ZSCAN29: variants seen among roughly 807,000 people sequenced by gnomAD.
ZSCAN29 encodes zinc finger and SCAN domain containing 29, also known as zinc finger and SCAN domain-containing protein 29.
A neutral mutation model predicts 71.9 loss-of-function variants in ZSCAN29; 55 were observed. The ratio of observed to expected loss-of-function variants is 0.76; its 90% CI spans 0.62 to 0.96. ZSCAN29 has a LOEUF of 0.96. Ranked by LOEUF, ZSCAN29 falls within the 40% of genes least tolerant of loss-of-function variation. The pLI is 0.00. For synonymous variants in ZSCAN29, 351 were observed against 371.6 expected, an observed-to-expected ratio of 0.94 and a Z score of 0.64; for missense variants, 1,042 against 1,042.2, an observed-to-expected ratio of 1.00 and a Z score of 0.00.
Position 43,361,730 on chromosome 15 carries a change from G to C in ZSCAN29, c.1902C>G (p.Ser634Arg). ...TCTGTTGACTTAGGACTTCACTTAA[G>C]CTCTTCTCCGGGAGTGTCAGTTTTC... ...KRGKLTLPEK[S>R]LSEVLSQQRP... Residue 634 changes from serine (S) to arginine (R), a missense_variant, in exon 6 of 6, where the codon AGC (serine) becomes AGG (arginine). Physicochemically the swap from Ser to Arg is moderately radical, Grantham distance 110. Coordinates refer to ENST00000684362, the MANE Select transcript of ZSCAN29 (RefSeq NM_001372080.1). 6.2e-7 allele frequency: 1 copy of C among 1,614,190 alleles called. No individual in the cohort carries two copies.
At chr15:43,365,440 A>G (rs904031660) in intron 4 of ZSCAN29, among the ~76,000 whole-genome samples, 4 of 152,226 alleles carry the variant, frequency 2.6e-5, no homozygotes, top group African/African-American at 4.8e-5. Flanking sequence ...TAAAATGCCA[A>G]TGTATACTAT....
rs139569236 is a variant in ZSCAN29 at position 43,366,568 on chromosome 15, G to C, written c.764C>G (p.Thr255Arg). The C allele has an allele frequency of 6.8e-6, 11 of 1,614,198 alleles. No homozygotes were observed. Among genetic ancestry groups the C allele is most frequent in the Non-Finnish European group, 9.3e-6 (11 of 1,180,034 alleles). Reference protein sequence around the residue: ...GVHWGYEETRTLLAILSQTEF... With the variant: ...GVHWGYEETRRLLAILSQTEF... ...AGTCTGGCTGAGAATTGCGAGGAGC[G>C]TTCTGGTCTCTTCATAGCCCCAGTG... Residue 255 changes from threonine (T) to arginine (R), a missense_variant, in exon 4 of 6, where the codon ACG becomes AGG. Thr to Arg is a moderately conservative substitution (Grantham distance 71). Transcript: ENST00000684362.
At chr15:43,363,310 T>TA (rs1459355865) in intron 5 of ZSCAN29, among the ~76,000 whole-genome samples, 1 of 152,168 alleles carries the variant, frequency 6.6e-6, no homozygotes, top group Non-Finnish European at 1.5e-5. Flanking sequence ...ACTTAACTAA[T>TA]AAACAACAGA....
At position 43,364,380 on chromosome 15, in the gene ZSCAN29, C is replaced by T. The variant is rs772079307; in HGVS notation, c.1225G>A (p.Val409Ile). 2.5e-6 allele frequency: 4 copies of T among 1,613,032 alleles called. No individual in the cohort carries two copies. The highest frequency in any genetic ancestry group is 2.2e-5 in the South Asian group (2 of 91,072). ...APVVFRSPGG[V>I]HWGYEETKTY... Reference sequence around the variant, plus strand: ...TTGGTCTCTTCATAGCCCCAGTGTACACCTGCCACCAGAAGAGAAATTTCA... The same window carrying T: ...TTGGTCTCTTCATAGCCCCAGTGTATACCTGCCACCAGAAGAGAAATTTCA... The change falls in exon 5 of 6, where the codon GTA (valine) becomes ATA (isoleucine). Residue 409 changes from valine (V) to isoleucine (I), a missense_variant and splice_region_variant. Transcript: ENST00000684362.
rs2043951066 is a variant in ZSCAN29, at chr15:43,358,224, G to A, written c.*2849C>T. 1.3e-5 allele frequency: 2 copies of A among 152,586 alleles called. No homozygotes were observed. Among genetic ancestry groups the A allele is most frequent in the Non-Finnish European group, 1.5e-5 (1 of 68,032 alleles). The allele number at this position is 152,586 out of a possible 1,614,324, so 9.5% of individuals were successfully genotyped here. A position where few individuals can be genotyped will look rare whatever the true frequency, so the allele number is the denominator to read the frequency against. On this transcript the variant is annotated 3_prime_UTR_variant, in exon 6 of 6. Coordinates refer to ENST00000684362, the MANE Select transcript of ZSCAN29 (RefSeq NM_001372080.1). ...ATGGTATCCCTGAGAGACAGATTAG[G>A]TGTAAACATTATTTTGCTTTACAGA...
Position 43,366,421 on chromosome 15 carries a change from C to G in ZSCAN29, c.911G>C (p.Gly304Ala), listed in dbSNP as rs1319436808. The G allele has an allele frequency of 6.2e-7, 1 of 1,614,198 alleles. No homozygotes were observed. Among genetic ancestry groups the G allele is most frequent in the African/African-American group, 1.3e-5 (1 of 75,044 alleles). ...TLEQCRTKFK[G>A]LQKSYRKVKS... ...GACTTTCCGATAGCTCTTCTGGAGA[C>G]CTTTGAACTTGGTCCGACACTGTTC... is the stretch of plus-strand genomic sequence containing the variant. The change falls in exon 4 of 6, where the codon GGT (glycine) becomes GCT (alanine). Residue 304 changes from glycine to alanine, a missense_variant. Gly to Ala is a moderately conservative substitution (Grantham distance 60, BLOSUM62 0). Transcript: ENST00000684362.
rs1019932951 is a variant in ZSCAN29, at chr15:43,360,475, A to G, written c.*598T>C. On this transcript the variant is annotated 3_prime_UTR_variant, in exon 6 of 6. Coordinates refer to ENST00000684362, the MANE Select transcript of ZSCAN29 (RefSeq NM_001372080.1). ...ACATGGAGAAACCCCATCTCTACTA[A>G]AAATATAAAATTAGCTGGGCATGGT... The G allele has an allele frequency of 6.6e-6, 1 of 152,256 alleles. No individual in the cohort carries two copies. The highest frequency in any genetic ancestry group is 2.4e-5 in the African/African-American group (1 of 41,360). 9.4% of individuals were successfully genotyped at this position (152,256 alleles called of 1,614,324 possible). A position where few individuals can be genotyped will look rare whatever the true frequency, so the allele number is the denominator to read the frequency against.
In ZSCAN29 at chr15:43,366,298, G is replaced by T; in HGVS notation, c.1034C>A (p.Ala345Glu). 6.2e-7 allele frequency: 1 copy of T among 1,613,066 alleles called. No individual in the cohort carries two copies. Among genetic ancestry groups the T allele is most frequent in the Non-Finnish European group, 8.5e-7 (1 of 1,180,040 alleles). ...TACCAGGCCAGAGTGAGAGGCTGCT[G>T]CTTCCAGGCCATTACTGGGCAGGGC... ...VIALPSNGLE[A>E]AASHSGLVGS... Residue 345 changes from alanine (A) to glutamate (E), a missense_variant, in exon 4 of 6, where the codon GCA becomes GAA. Ala to Glu is a moderately radical substitution (Grantham distance 107). Transcript: ENST00000684362.
rs745319191 is a variant in ZSCAN29, at chr15:43,364,040, G to A, written c.1565C>T (p.Ala522Val). ...GTCTGCTTCCTCAGCTTGCTTCTGA[G>A]CTTCAGCCTCACTGGTCCCCTGGAC... ...CPVQGTSEAEAQKQAEEADEA... is the reference protein window; with the variant it reads ...CPVQGTSEAEVQKQAEEADEA... Residue 522 changes from alanine (A) to valine (V), a missense_variant, in exon 5 of 6, where the codon GCT (alanine) becomes GTT (valine). By Grantham distance (64) the Ala-to-Val change is moderately conservative. Transcript: ENST00000684362. 1 of 1,614,106 alleles carries A rather than the reference G, an allele frequency of 6.2e-7. No homozygotes were observed. The highest frequency in any genetic ancestry group is 1.1e-5 in the South Asian group (1 of 91,074).
chr15:43,369,292 T>G (rs1399158853), intron 2 of ZSCAN29, 165 bp from the exon 3 acceptor site: 4 of 674,718 alleles, frequency 5.9e-6, no homozygotes, highest in Non-Finnish European at 9.2e-6. Flanking sequence ...TGCCATTAGC[T>G]TAAAGCAGTT....
Position 43,370,965 on chromosome 15 carries a change from T to TCCGGCCCCGGCCCCGGCCCCGGCC in ZSCAN29, c.-521_-520insGGCCGGGGCCGGGGCCGGGGCCGG, listed in dbSNP as rs1300558345. Reference sequence around the variant, plus strand: ...CCGGGCCAGCCTCACCCACTCGGGGTCCGACCCTGACCCCGGCCCCGGCCC... The same window carrying TCCGGCCCCGGCCCCGGCCCCGGCC: ...CCGGGCCAGCCTCACCCACTCGGGGTCCGGCCCCGGCCCCGGCCCCGGCCCCGACCCTGACCCCGGCCCCGGCCC... On this transcript the variant is annotated 5_prime_UTR_variant, in exon 1 of 6. Transcript: ENST00000684362. The TCCGGCCCCGGCCCCGGCCCCGGCC allele has an allele frequency of 6.4e-6, 1 of 155,772 alleles. No individual in the cohort carries two copies. Among genetic ancestry groups the TCCGGCCCCGGCCCCGGCCCCGGCC allele is most frequent in the East Asian group, 1.6e-4 (1 of 6,426 alleles). 9.6% of individuals were successfully genotyped at this position (155,772 alleles called of 1,614,324 possible).
At chr15:43,367,507 C>T (rs1469340450) in intron 3 of ZSCAN29, among the ~76,000 whole-genome samples, 4 of 152,184 alleles carry the variant, frequency 2.6e-5, no homozygotes, top group Non-Finnish European at 5.9e-5. Flanking sequence ...CTTCAAGAGG[C>T]TGTATTTGCC....
chr15:43,370,907 G>T lies in ZSCAN29; in HGVS notation c.-462C>A. 5.2e-6 allele frequency: 1 copy of T among 191,588 alleles called. No homozygotes were observed. The highest frequency in any genetic ancestry group is 8.7e-5 in the South Asian group (1 of 11,454). 11.9% of individuals were successfully genotyped at this position (191,588 alleles called of 1,614,324 possible). A position where few individuals can be genotyped will look rare whatever the true frequency, so the allele number is the denominator to read the frequency against. On this transcript the variant is annotated 5_prime_UTR_variant, in exon 1 of 6. Transcript: ENST00000684362. ...CCACCCCTGGGAGCGTCTCCCTCTC[G>T]AGCTGCCCCTCAACCCCCTCGCATC... is the stretch of plus-strand genomic sequence containing the variant.
At position 43,361,034 on chromosome 15, in the gene ZSCAN29, C is replaced by A. The variant is rs569656886; in HGVS notation, c.*39G>T. ...CTATTGGAAGACTTTCTAAACAATA[C>A]ATTTATTGAGCCTCTTTCCGTTATA... is the stretch of plus-strand genomic sequence containing the variant. On this transcript the variant is annotated 3_prime_UTR_variant, in exon 6 of 6. Transcript: ENST00000684362. The A allele has an allele frequency of 5.0e-5, 76 of 1,535,206 alleles. No individual in the cohort carries two copies. The East Asian group carries it at 1.5e-3, about 31-fold the overall frequency.
chr15:43,368,947 TCTC>T lies in ZSCAN29; in HGVS notation c.496_498del (p.Glu166del), dbSNP rs754923422. On this transcript the variant is annotated inframe_deletion, in exon 3 of 6. Coordinates refer to ENST00000684362, the MANE Select transcript of ZSCAN29 (RefSeq NM_001372080.1). ...CCGCTCCTTTGAAAAGGTTTGAGCT[TCTC>T]CTTTGGGTTCATCTGCTCCTGTGGT... 4 of 1,608,778 alleles carry T rather than the reference TCTC, an allele frequency of 2.5e-6. No individual in the cohort carries two copies. In the South Asian group the frequency reaches 3.3e-5, roughly 13 times the overall value.
At chr15:43,362,278 AATACGT>A (rs1214781847) in intron 5 of ZSCAN29, among the ~76,000 whole-genome samples, 1 of 152,204 alleles carries the variant, frequency 6.6e-6, no homozygotes, top group Non-Finnish European at 1.5e-5. Flanking sequence ...GACACTTTCT[AATACGT>A]ATTTTTGCCA....
At position 43,360,861 on chromosome 15, in the gene ZSCAN29, CAA is replaced by C. The variant is rs1595465294; in HGVS notation, c.*210_*211del. On this transcript the variant is annotated 3_prime_UTR_variant, in exon 6 of 6. Transcript: ENST00000684362. ...TGTTATCCATCAATTCAGATGCAGG[CAA>C]AGAGAGGGACTGAAATCTTCCTTTC... The C allele has an allele frequency of 1.8e-5, 11 of 599,060 alleles. No individual in the cohort carries two copies. In the Middle Eastern group the frequency reaches 1.4e-3, roughly 77 times the overall value. The allele number at this position is 599,060 out of a possible 1,614,324, so 37.1% of individuals were successfully genotyped here.
intron 1 of ZSCAN29, 83 bp from the exon 2 acceptor site, chr15:43,370,108 T>C (rs2044086997): frequency 1.3e-5 from 8 of 613,566 alleles, no homozygotes; most frequent in Non-Finnish European, 8.2e-6. Context: ...CCTTTCCATG[T>C]GCTCCGAGTG....
intron 4 of ZSCAN29, among the ~76,000 whole-genome samples, chr15:43,365,288 C>G (rs1264555842): frequency 6.6e-6 from 1 of 152,204 alleles, no homozygotes; most frequent in Non-Finnish European, 1.5e-5. Context: ...CTGAGTCATA[C>G]TTTGGTGCTC....
Sources: gnomAD v4.1 joint callset for allele counts (sites outside exome capture counted in the v4.1 genomes callset) on GRCh38, gnomAD v4.1.1 for gene constraint, MANE v1.5 for transcripts, NCBI Gene and HGNC (gene_info 2026-07-23, HGNC 2026-07-21) for gene names.